STXBP4: variants seen among roughly 807,000 people sequenced by gnomAD.
The protein encoded by STXBP4 is syntaxin binding protein 4, also known as syntaxin-binding protein 4.
In STXBP4, 55 loss-of-function variants were observed where a neutral mutation model predicts 76.1. The ratio of observed to expected loss-of-function variants is 0.72; its 90% confidence interval spans 0.58 to 0.91. The LOEUF is 0.91. Among genes scored for constraint, STXBP4 ranks in the 40% least tolerant of loss-of-function variants. The probability of loss-of-function intolerance (pLI) is 0.00; values close to 1 mark genes in which losing one functional copy is unlikely to be tolerated. For synonymous variants in STXBP4, 201 were observed against 220.2 expected (o/e 0.91, Z 0.77); for missense variants, 618 against 636.9 (o/e 0.97, Z 0.32).
intron 8 of STXBP4, among the ~76,000 whole-genome samples, chr17:55,014,806 G>T (rs370160435): frequency 6.6e-6 from 1 of 152,078 alleles, no homozygotes; most frequent in East Asian, 1.9e-4. Flanking sequence ...AAGTGTCCTC[G>T]TAGGCCACAC....
chr17:54,971,257 T>G (rs549910057), intron 1 of STXBP4, among the ~76,000 whole-genome samples: 29 of 152,352 alleles, frequency 1.9e-4, no homozygotes, highest in Non-Finnish European at 2.9e-4. Context: ...TATCCAGTAT[T>G]ACCATATGTA....
At chr17:55,118,636 C>T (rs1463821015) in intron 16 of STXBP4, among the ~76,000 whole-genome samples, 1 of 151,562 alleles carries the variant, frequency 6.6e-6, no homozygotes, top group East Asian at 1.9e-4. Context: ...GTGAGATCAC[C>T]TAGGAGGAAA....
At chr17:54,975,954 A>T (rs1010904384) in intron 1 of STXBP4, among the ~76,000 whole-genome samples, 17 of 152,122 alleles carry the variant, frequency 1.1e-4, no homozygotes, top group African/African-American at 4.1e-4. Flanking sequence ...CCTTAGTCAC[A>T]TTTGCTATCA....
At chr17:55,141,983 A>G (rs1038197993) in intron 17 of STXBP4, among the ~76,000 whole-genome samples, 2 of 152,204 alleles carry the variant, frequency 1.3e-5, no homozygotes, top group African/African-American at 2.4e-5. Context: ...CTCTTGAGGT[A>G]TGTATACCTT....
At chr17:55,142,886 C>G (rs1018539105) in intron 17 of STXBP4, among the ~76,000 whole-genome samples, 4 of 152,158 alleles carry the variant, frequency 2.6e-5, no homozygotes, top group Admixed American at 2.6e-4. Flanking sequence ...GTGCCACACT[C>G]TTTACTTCCA....
chr17:55,041,114 A>C (rs979531779), intron 10 of STXBP4, among the ~76,000 whole-genome samples: 2 of 152,008 alleles, frequency 1.3e-5, no homozygotes, highest in African/African-American at 2.4e-5. Context: ...TCTTTTACGC[A>C]TGCTTTACCT....
chr17:54,980,785 C>T (rs1411486911), intron 1 of STXBP4, among the ~76,000 whole-genome samples: 1 of 152,220 alleles, frequency 6.6e-6, no homozygotes, highest in African/African-American at 2.4e-5. Flanking sequence ...TATTCTCCTG[C>T]CTCACAAGGT....
intron 16 of STXBP4, among the ~76,000 whole-genome samples, chr17:55,092,311 A>G (rs2079425224): frequency 6.6e-6 from 1 of 152,218 alleles, no homozygotes; most frequent in Admixed American, 6.5e-5. Context: ...TATTGAAATA[A>G]CAATAAATAA....
intron 10 of STXBP4, among the ~76,000 whole-genome samples, chr17:55,038,352 T>G (rs892806050): frequency 2.6e-5 from 4 of 152,080 alleles, no homozygotes; most frequent in Admixed American, 2.0e-4. Context: ...TATAACAACA[T>G]AGATTATTTT....
intron 16 of STXBP4, among the ~76,000 whole-genome samples, chr17:55,083,789 G>A (rs2079288715): frequency 6.6e-6 from 1 of 152,134 alleles, no homozygotes; most frequent in African/African-American, 2.4e-5. Flanking sequence ...CAGCATAGGT[G>A]TTTCAGTGAA....
Position 55,078,720 on chromosome 17 carries a change from C to T in STXBP4, c.1340C>T (p.Pro447Leu). Residue 447 changes from proline to leucine, a missense_variant, in exon 15 of 18, where the codon CCT (proline) becomes CTT (leucine). Pro to Leu is a moderately conservative substitution (Grantham distance 98, BLOSUM62 -3). Transcript: ENST00000376352. ...GAAGTATTTTCTGATAATTCTACTC[C>T]TTTATCAAATTTAAGGTAAGAAAAT... ...IQEVFSDNST[P>L]LSNLSERRAV... 1 of 1,560,120 alleles carries T rather than the reference C, an allele frequency of 6.4e-7. No homozygotes were observed. The highest frequency in any genetic ancestry group is 8.8e-7 in the Non-Finnish European group (1 of 1,133,060).
chr17:55,193,920 AG>A, the STXBP4 span, among the ~76,000 whole-genome samples: 1 of 152,130 alleles, frequency 6.6e-6, no homozygotes, highest in African/African-American at 2.4e-5. Flanking sequence ...AACATTTAAA[AG>A]CAGGCATTTT....
rs1468310140 is a variant in STXBP4 at position 55,170,518 on chromosome 17, C to T, written c.*10607C>T. 1 of 151,964 alleles carries T rather than the reference C, an allele frequency of 6.6e-6. No individual in the cohort carries two copies. Among genetic ancestry groups the T allele is most frequent in the Non-Finnish European group, 1.5e-5 (1 of 67,988 alleles). 9.4% of individuals were successfully genotyped at this position (151,964 alleles called of 1,614,324 possible). A position where few individuals can be genotyped will look rare whatever the true frequency, so the allele number is the denominator to read the frequency against. ...CATACTACTCTACAGTGAGCCTGTC[C>T]TTTATAAGAAAAAATGCTAATGATT... On this transcript the variant is annotated 3_prime_UTR_variant, in exon 18 of 18. Transcript: ENST00000376352.
intron 16 of STXBP4, among the ~76,000 whole-genome samples, chr17:55,087,128 G>C (rs780999156): frequency 2.8e-4 from 42 of 151,708 alleles, no homozygotes; most frequent in Non-Finnish European, 5.3e-4. Flanking sequence ...TTTTGCTGTT[G>C]GTTTTCTGCT....
chr17:55,024,337 G>A (rs1473860632), intron 8 of STXBP4, among the ~76,000 whole-genome samples: 2 of 152,220 alleles, frequency 1.3e-5, no homozygotes, highest in African/African-American at 2.4e-5. Flanking sequence ...AGTAGTCAGA[G>A]CTTTTCAGCT....
At position 55,162,976 on chromosome 17, in the gene STXBP4, C is replaced by T. The variant is rs2080349913; in HGVS notation, c.*3065C>T. 6.6e-6 allele frequency: 1 copy of T among 152,160 alleles called. No homozygotes were observed. Among genetic ancestry groups the T allele is most frequent in the South Asian group, 2.1e-4 (1 of 4,826 alleles). The allele number at this position is 152,160 out of a possible 1,614,324, so 9.4% of individuals were successfully genotyped here. On this transcript the variant is annotated 3_prime_UTR_variant, in exon 18 of 18. Transcript: ENST00000376352. Reference sequence around the variant, plus strand: ...ATGTCACAGTGAACATTTATATATTCATTAAATCCTTTTCCTCATGTATCT... The same window carrying T: ...ATGTCACAGTGAACATTTATATATTTATTAAATCCTTTTCCTCATGTATCT...
At chr17:55,182,896 C>T in the STXBP4 span, among the ~76,000 whole-genome samples, 1 of 151,754 alleles carries the variant, frequency 6.6e-6, no homozygotes, top group Non-Finnish European at 1.5e-5. Flanking sequence ...TTTTAGACAA[C>T]AAAAGTCAAG....
chr17:55,100,483 A>G (rs1334866672), intron 16 of STXBP4, among the ~76,000 whole-genome samples: 1 of 152,254 alleles, frequency 6.6e-6, no homozygotes, highest in Non-Finnish European at 1.5e-5. Flanking sequence ...TGTTTAAACA[A>G]ATATACAAAA....
chr17:55,007,422 G>A (rs1040225099), intron 7 of STXBP4, 84 bp from the exon 8 acceptor site: 42 of 915,562 alleles, frequency 4.6e-5, no homozygotes, highest in Non-Finnish European at 7.2e-5. Context: ...TTTTTGAACA[G>A]CAGGAACTCA....
Sources: allele counts gnomAD v4.1 joint callset (sites outside exome capture counted in the v4.1 genomes callset), GRCh38; gene constraint gnomAD v4.1.1; transcripts MANE v1.5; gene names NCBI Gene and HGNC (gene_info 2026-07-23, HGNC 2026-07-21).